MRAP2: variants seen among roughly 807,000 people sequenced by gnomAD.
MRAP2 encodes melanocortin 2 receptor accessory protein 2.
A neutral mutation model predicts 17.4 loss-of-function variants in MRAP2; 20 were observed. That is an observed-to-expected ratio of 1.15 (90% CI 0.81 to 1.67). MRAP2 has a LOEUF of 1.67. Ranked by LOEUF, MRAP2 falls within the 40% of genes most tolerant of loss-of-function variation. The probability of loss-of-function intolerance (pLI) is 0.00; values close to 1 mark genes in which losing one functional copy is unlikely to be tolerated. For missense variants in MRAP2, 238 were observed against 240.0 expected, an observed-to-expected ratio of 0.99 and a Z score of 0.05; for synonymous variants, 96 against 88.4, an observed-to-expected ratio of 1.09 and a Z score of -0.48.
intron 3 of MRAP2, among the ~76,000 whole-genome samples, chr6:84,082,251 A>G (rs538777148): frequency 1.5e-3 from 227 of 152,348 alleles, no homozygotes; most frequent in Non-Finnish European, 2.4e-3. Flanking sequence ...ACTTGAAAAT[A>G]ATGCACAGGG....
At chr6:84,141,733 C>T in the MRAP2 span, among the ~76,000 whole-genome samples, 3 of 152,176 alleles carry the variant, frequency 2.0e-5, no homozygotes, top group Admixed American at 6.5e-5. Flanking sequence ...AGAACACTGT[C>T]TCAGGGAACT....
chr6:84,066,435 C>T (rs1373645258), intron 3 of MRAP2, among the ~76,000 whole-genome samples: 1 of 152,088 alleles, frequency 6.6e-6, no homozygotes. Context: ...GTTATAAAGG[C>T]CTTTAGGTCT....
At chr6:84,048,661 C>T (rs1008810479) in intron 1 of MRAP2, among the ~76,000 whole-genome samples, 2 of 152,178 alleles carry the variant, frequency 1.3e-5, no homozygotes, top group African/African-American at 4.8e-5. Context: ...CAGTCTAACA[C>T]GTTGACACAC....
chr6:84,063,407 T>C (rs1214851894), intron 3 of MRAP2: 1 of 985,166 alleles, frequency 1.0e-6, no homozygotes, highest in African/African-American at 1.7e-5. Flanking sequence ...AGAAGCAGAG[T>C]AATAGTTGTT....
intron 1 of MRAP2, among the ~76,000 whole-genome samples, chr6:84,044,116 C>T (rs558996053): frequency 6.6e-6 from 1 of 152,142 alleles, no homozygotes; most frequent in Non-Finnish European, 1.5e-5. Flanking sequence ...GTTTCAGCAC[C>T]TATATGAATT....
chr6:84,112,520 GTCTA>G, the MRAP2 span, among the ~76,000 whole-genome samples: 7 of 152,090 alleles, frequency 4.6e-5, no homozygotes, highest in Non-Finnish European at 1.0e-4. Context: ...CTGGCTAGCA[GTCTA>G]TCTATTTTGT....
At chr6:84,124,956 T>C in the MRAP2 span, 20 of 798,484 alleles carry the variant, frequency 2.5e-5, 1 homozygote, top group South Asian at 3.2e-4. Context: ...CTTTGGTTGT[T>C]TGCTTTCTGG....
intron 3 of MRAP2, among the ~76,000 whole-genome samples, chr6:84,074,816 A>C (rs975553696): frequency 1.3e-5 from 2 of 152,196 alleles, no homozygotes; most frequent in African/African-American, 4.8e-5. Flanking sequence ...GTACTGGATG[A>C]CAGGAGTTGA....
intron 3 of MRAP2, among the ~76,000 whole-genome samples, chr6:84,072,164 A>G (rs1280811657): frequency 6.6e-6 from 1 of 152,050 alleles, no homozygotes; most frequent in Non-Finnish European, 1.5e-5. Context: ...TTGTCATATT[A>G]CCAGAATTAG....
chr6:84,131,673 TTG>T, the MRAP2 span, among the ~76,000 whole-genome samples: 3,632 of 139,700 alleles, frequency 0.026, 127 homozygotes, highest in African/African-American at 0.087. Context: ...TGCTTTTTTT[TTG>T]TTTTGTTTTC....
chr6:84,033,222 C>G (rs1017973061), upstream of MRAP2, among the ~76,000 whole-genome samples: 1 of 152,162 alleles, frequency 6.6e-6, no homozygotes, highest in African/African-American at 2.4e-5. Flanking sequence ...GCCTGGCATG[C>G]AATAAGGACT....
At chr6:84,060,716 T>C (rs1288361769) in intron 2 of MRAP2, among the ~76,000 whole-genome samples, 2 of 151,700 alleles carry the variant, frequency 1.3e-5, no homozygotes, top group Non-Finnish European at 2.9e-5. Context: ...GACGGAGTCT[T>C]GCTCTGTCAC....
chr6:84,055,432 GA>G lies in MRAP2; in HGVS notation c.116del (p.Lys39ArgfsTer8). On this transcript the variant is annotated frameshift_variant, in exon 2 of 4. Coordinates refer to ENST00000257776, the MANE Select transcript of MRAP2 (RefSeq NM_138409.4). LOFTEE classifies it high-confidence loss of function. ...EIGPVSFEGL[K>X]AHKYSIVIGF... ...TTGGACCAGTTTCCTTTGAAGGACT[GA>G]AGGCTCATAAATGTAAGTTTTATAC... 1 of 1,612,436 alleles carries G rather than the reference GA, an allele frequency of 6.2e-7. No homozygotes were observed. Among genetic ancestry groups the G allele is most frequent in the South Asian group, 1.1e-5 (1 of 90,646 alleles).
intron 1 of MRAP2, among the ~76,000 whole-genome samples, chr6:84,051,637 C>T (rs922413373): frequency 3.9e-5 from 6 of 152,130 alleles, no homozygotes; most frequent in African/African-American, 7.2e-5. Flanking sequence ...GCAGGAGGAT[C>T]GTTTCAGCCA....
chr6:84,089,233 G>C lies in MRAP2; in HGVS notation c.370G>C (p.Glu124Gln). 6.2e-7 allele frequency: 1 copy of C among 1,614,192 alleles called. No individual in the cohort carries two copies. The highest frequency in any genetic ancestry group is 8.5e-7 in the Non-Finnish European group (1 of 1,180,040). ...CTTTCACTGCTACATCAATGAGGTG[G>C]AACGCTTGGACAGAGCCAAAGCTTG... ...SLFHCYINEV[E>Q]RLDRAKACHQ... Residue 124 changes from glutamate to glutamine, a missense_variant, in exon 4 of 4, where the codon GAA (glutamate) becomes CAA (glutamine). Physicochemically the swap from Glu to Gln is conservative, Grantham distance 29. Coordinates refer to ENST00000257776, the MANE Select transcript of MRAP2 (RefSeq NM_138409.4).
chr6:84,041,702 G>C (rs1393027424), intron 1 of MRAP2, among the ~76,000 whole-genome samples: 1 of 152,252 alleles, frequency 6.6e-6, no homozygotes, highest in Admixed American at 6.5e-5. Flanking sequence ...TTTCAGACTT[G>C]CATGGGGCCT....
At chr6:84,086,581 AT>A (rs1471757662) in intron 3 of MRAP2, among the ~76,000 whole-genome samples, 1 of 152,220 alleles carries the variant, frequency 6.6e-6, no homozygotes, top group Non-Finnish European at 1.5e-5. Flanking sequence ...TGAGTGTTTA[AT>A]ATTTACTGGA....
At chr6:84,134,229 G>C in the MRAP2 span, among the ~76,000 whole-genome samples, 1 of 152,288 alleles carries the variant, frequency 6.6e-6, no homozygotes, top group South Asian at 2.1e-4. Context: ...GAGCATCCCA[G>C]GTCACTTCAG....
the MRAP2 span, among the ~76,000 whole-genome samples, chr6:84,102,465 G>C: frequency 6.6e-6 from 1 of 152,136 alleles, no homozygotes; most frequent in African/African-American, 2.4e-5. Flanking sequence ...AGGAAGGGAG[G>C]CACAAGCCAA....
Sources: gnomAD v4.1 joint callset for allele counts (sites outside exome capture counted in the v4.1 genomes callset) on GRCh38, gnomAD v4.1.1 for gene constraint, MANE v1.5 for transcripts, NCBI Gene and HGNC (gene_info 2026-07-23, HGNC 2026-07-21) for gene names.